Variants in LRRC37A2 observed in about 807,000 individuals in gnomAD.
The protein encoded by LRRC37A2 is leucine-rich repeat-containing protein 37A2.
LRRC37A2 carries 9 observed loss-of-function variants against 68.8 expected under a neutral mutation model. The ratio of observed to expected loss-of-function variants is 0.13; its 90% CI spans 0.08 to 0.23. The LOEUF is 0.23. Ranked by LOEUF, LRRC37A2 falls within the 10% of genes least tolerant of loss-of-function variation. The pLI is 1.00. For synonymous variants in LRRC37A2, 63 were observed against 367.6 expected (o/e 0.17, Z 9.48); for missense variants, 168 against 950.4 (o/e 0.18, Z 10.82).
the LRRC37A2 span, among the ~76,000 whole-genome samples, chr17:46,491,276 C>G: frequency 2.7e-5 from 4 of 150,614 alleles, 1 homozygote; most frequent in African/African-American, 1.0e-4. Context: ...GCCATGATAT[C>G]TTATTTAATC....
At chr17:46,595,648 C>T in the LRRC37A2 span, among the ~76,000 whole-genome samples, 3 of 127,326 alleles carry the variant, frequency 2.4e-5, no homozygotes, top group African/African-American at 1.2e-4. Context: ...TGTGCCACCA[C>T]GCCCAGCTAA....
the LRRC37A2 span, among the ~76,000 whole-genome samples, chr17:46,733,906 G>C: frequency 1.3e-5 from 2 of 152,142 alleles, no homozygotes; most frequent in Non-Finnish European, 2.9e-5. Context: ...TGACACCTAG[G>C]AATATTACCT....
At chr17:46,415,738 G>GT in the LRRC37A2 span, among the ~76,000 whole-genome samples, 183 of 40,070 alleles carry the variant, frequency 4.6e-3, 32 homozygotes, top group African/African-American at 0.013. Flanking sequence ...TTGTTTTTTT[G>GT]TTTTTTTTTT....
the LRRC37A2 span, among the ~76,000 whole-genome samples, chr17:46,803,917 G>C: frequency 6.6e-6 from 1 of 152,154 alleles, no homozygotes; most frequent in Admixed American, 6.5e-5. Flanking sequence ...GGCTGTAGGC[G>C]GGCATTTCTC....
chr17:46,811,224 C>CGATGCAGG, the LRRC37A2 span, among the ~76,000 whole-genome samples: 1 of 102,032 alleles, frequency 9.8e-6, no homozygotes, highest in South Asian at 2.4e-4. Context: ...TTCACGGCTG[C>CGATGCAGG]GATGCAGGGA....
chr17:46,873,827 T>C, the LRRC37A2 span, among the ~76,000 whole-genome samples: 1 of 151,898 alleles, frequency 6.6e-6, no homozygotes, highest in African/African-American at 2.4e-5. Context: ...CCATCTCTAC[T>C]AAAAATACAA....
At chr17:46,379,866 GTTTTTTTTTTT>G in the LRRC37A2 span, among the ~76,000 whole-genome samples, 12 of 47,872 alleles carry the variant, frequency 2.5e-4, 1 homozygote, top group African/African-American at 5.6e-4. Flanking sequence ...TTGCAATACT[GTTTTTTTTTTT>G]TTTTTTTTTT....
At chr17:46,721,658 A>G in the LRRC37A2 span, 358 of 1,602,520 alleles carry the variant, frequency 2.2e-4, 1 homozygote, top group African/African-American at 3.9e-3. Flanking sequence ...AAAAGTTTCA[A>G]CCTTGTGTTC....
chr17:47,047,570 G>C, the LRRC37A2 span, among the ~76,000 whole-genome samples: 1 of 151,382 alleles, frequency 6.6e-6, no homozygotes, highest in African/African-American at 2.4e-5. Flanking sequence ...TTGATGCTTT[G>C]CCCACAGTGA....
the LRRC37A2 span, among the ~76,000 whole-genome samples, chr17:46,715,868 C>T: frequency 6.6e-6 from 1 of 152,138 alleles, no homozygotes; most frequent in Non-Finnish European, 1.5e-5. Context: ...AGTGTCCATA[C>T]AAGCTTATTC....
the LRRC37A2 span, among the ~76,000 whole-genome samples, chr17:46,724,098 C>T: frequency 6.6e-6 from 1 of 152,182 alleles, no homozygotes; most frequent in Non-Finnish European, 1.5e-5. Flanking sequence ...GTTCACATCT[C>T]TGTGTCTCCT....
the LRRC37A2 span, among the ~76,000 whole-genome samples, chr17:47,023,234 T>G: frequency 6.6e-6 from 1 of 152,244 alleles, no homozygotes; most frequent in African/African-American, 2.4e-5. Flanking sequence ...TGAATTGTTT[T>G]ATCATTTTCT....
At chr17:46,625,909 C>G in the LRRC37A2 span, among the ~76,000 whole-genome samples, 1 of 122,054 alleles carries the variant, frequency 8.2e-6, no homozygotes, top group Admixed American at 8.4e-5. Context: ...AAAAAAGATA[C>G]TGCTGCTGCA....
At chr17:46,710,864 G>A in the LRRC37A2 span, 1 of 1,039,238 alleles carries the variant, frequency 9.6e-7, no homozygotes, top group Non-Finnish European at 1.4e-6. Flanking sequence ...ATGGGATAGT[G>A]ATCAATACCT....
chr17:47,005,708 A>G, the LRRC37A2 span: 7 of 152,232 alleles, frequency 4.6e-5, no homozygotes, highest in Non-Finnish European at 2.9e-5. Flanking sequence ...ACGGGGACAT[A>G]GCATAGAATA....
the LRRC37A2 span, among the ~76,000 whole-genome samples, chr17:47,004,996 G>A: frequency 6.6e-6 from 1 of 152,176 alleles, no homozygotes; most frequent in Non-Finnish European, 1.5e-5. Flanking sequence ...AGGAAACTTT[G>A]AAGAATTTAG....
At chr17:46,781,676 G>A in the LRRC37A2 span, among the ~76,000 whole-genome samples, 6 of 152,282 alleles carry the variant, frequency 3.9e-5, no homozygotes, top group African/African-American at 1.4e-4. Context: ...CACAGCATTG[G>A]AATGTACTTA....
chr17:46,544,765 A>G lies in LRRC37A2; in HGVS notation c.3054-1490A>G, dbSNP rs1202935641. 9.9e-4 allele frequency among the ~76,000 whole-genome samples: 95 copies of G among 95,620 alleles called. 1 individual carries two copies. Among genetic ancestry groups the G allele is most frequent in the Admixed American group, 1.3e-3 (12 of 9,426 alleles). 62.7% of individuals were successfully genotyped at this position (95,620 alleles called of 152,430 possible). A position where few individuals can be genotyped will look rare whatever the true frequency, so the allele number is the denominator to read the frequency against. The stretch of plus-strand genomic sequence containing the variant: ...ATAAGCCACAACAATAAATTAATCA[A>G]TTGTCTCGGTCACCTCTTTTGCCCA... On this transcript the variant is annotated intron_variant, in intron 8 of 14. Transcript: ENST00000576629.
the LRRC37A2 span, among the ~76,000 whole-genome samples, chr17:47,022,122 A>AT: frequency 8.0e-6 from 1 of 124,430 alleles, no homozygotes; most frequent in South Asian, 2.7e-4. Context: ...ATTTAAATTT[A>AT]TTTTTTATCA....
Sources: allele counts gnomAD v4.1 joint callset (sites outside exome capture counted in the v4.1 genomes callset), GRCh38; gene constraint gnomAD v4.1.1; transcripts MANE v1.5; gene names NCBI Gene and HGNC (gene_info 2026-07-23, HGNC 2026-07-21).